The following FGF14 variants were observed in gnomAD, a reference collection of about 807,000 sequenced individuals.
FGF14 encodes the protein fibroblast growth factor 14.
Under a neutral mutation model 25.5 loss-of-function variants are expected in FGF14, and 5 were observed. The ratio of observed to expected loss-of-function variants is 0.20; its 90% CI spans 0.10 to 0.41. The LOEUF (loss-of-function observed/expected upper bound fraction) is 0.41. Among genes scored for constraint, FGF14 ranks in the 10% least tolerant of loss-of-function variants. The probability of loss-of-function intolerance (pLI) is 1.00; values close to 1 mark genes in which losing one functional copy is unlikely to be tolerated. For synonymous variants in FGF14, 138 were observed against 118.3 expected, an observed-to-expected ratio of 1.17 and a Z score of -1.08; for missense variants, 222 against 320.1, an observed-to-expected ratio of 0.69 and a Z score of 2.34.
rs115724357 is a variant in FGF14, at chr13:102,283,127, C to G, written c.208+118344G>C. 5.0e-3 allele frequency among the ~76,000 whole-genome samples: 765 copies of G among 152,252 alleles called. 3 individuals are homozygous for G. Among genetic ancestry groups the G allele is most frequent in the African/African-American group, 0.018 (728 of 41,534 alleles). ...CCATGACTGCCCCAGCTCCTGCCATCACGCTCATGTTCCACTCAATGGAGA... is the reference window on the plus strand; with the variant it reads ...CCATGACTGCCCCAGCTCCTGCCATGACGCTCATGTTCCACTCAATGGAGA... On this transcript the variant is annotated intron_variant, in intron 1 of 4. Transcript: ENST00000376131.
At chr13:102,100,472 G>A (rs1053174338) in intron 1 of FGF14, among the ~76,000 whole-genome samples, 3 of 152,176 alleles carry the variant, frequency 2.0e-5, no homozygotes, top group African/African-American at 4.8e-5. Context: ...AGGTGCTTCC[G>A]GACCGCTTGT....
intron 1 of FGF14, among the ~76,000 whole-genome samples, chr13:102,196,424 A>T (rs623245): frequency 0.69 from 104,328 of 152,080 alleles, 36,869 homozygotes; most frequent in African/African-American, 0.85. Flanking sequence ...AAGAAAAAAA[A>T]ATCCTTCCTG....
intron 1 of FGF14, among the ~76,000 whole-genome samples, chr13:102,016,477 A>G (rs2139833821): frequency 6.6e-6 from 1 of 152,292 alleles, no homozygotes; most frequent in South Asian, 2.1e-4. Flanking sequence ...TTGTTGAACC[A>G]GAATTAATAC....
chr13:102,238,603 G>A lies in FGF14; in HGVS notation c.208+162868C>T, dbSNP rs750895347. ...ACATATTTATAAGTTGTCAATGAGT[G>A]AGAGCATTATATTTTCACGAGAAGT... is the stretch of plus-strand genomic sequence containing the variant. On this transcript the variant is annotated intron_variant, in intron 1 of 4. Transcript: ENST00000376131. 3.0e-4 allele frequency among the ~76,000 whole-genome samples: 45 copies of A among 152,212 alleles called. 1 individual carries two copies. Among genetic ancestry groups the A allele is most frequent in the Non-Finnish European group, 6.0e-4 (41 of 68,028 alleles).
intron 1 of FGF14, among the ~76,000 whole-genome samples, chr13:101,989,440 T>C (rs536571766): frequency 6.0e-4 from 91 of 152,252 alleles, no homozygotes; most frequent in African/African-American, 2.1e-3. Context: ...TTTTGTTTCC[T>C]ACATTATAAC....
chr13:102,056,938 AAT>A (rs1307922639), intron 1 of FGF14, among the ~76,000 whole-genome samples: 1 of 151,444 alleles, frequency 6.6e-6, no homozygotes, highest in Non-Finnish European at 1.5e-5. Context: ...TTATATAAAT[AAT>A]TTGTTTTTCA....
intron 1 of FGF14, among the ~76,000 whole-genome samples, chr13:102,086,131 G>A (rs1005278298): frequency 6.6e-6 from 1 of 152,154 alleles, no homozygotes; most frequent in African/African-American, 2.4e-5. Context: ...TTGATTAAAA[G>A]CTAAAAACAA....
At chr13:102,373,865 G>A (rs1038951487) in intron 1 of FGF14, among the ~76,000 whole-genome samples, 16 of 151,912 alleles carry the variant, frequency 1.1e-4, no homozygotes, top group Non-Finnish European at 2.1e-4. Flanking sequence ...ATCACCTATG[G>A]GGTTCTAAAA....
intron 1 of FGF14, among the ~76,000 whole-genome samples, chr13:101,902,422 T>G (rs1228373097): frequency 1.3e-5 from 2 of 152,192 alleles, no homozygotes; most frequent in Non-Finnish European, 2.9e-5. Context: ...ACCCAATATT[T>G]GTGTGTGTTA....
chr13:102,177,364 T>C (rs1399698972), intron 1 of FGF14, among the ~76,000 whole-genome samples: 1 of 152,194 alleles, frequency 6.6e-6, no homozygotes. Flanking sequence ...TGACTTCAGA[T>C]GTTTTCAGCC....
intron 1 of FGF14, among the ~76,000 whole-genome samples, chr13:101,875,967 G>A (rs1479785627): frequency 6.6e-6 from 1 of 152,090 alleles, no homozygotes; most frequent in Non-Finnish European, 1.5e-5. Context: ...GGTCAGCTCT[G>A]AGGCAATCAA....
intron 1 of FGF14, among the ~76,000 whole-genome samples, chr13:101,940,027 C>T (rs1442064191): frequency 2.0e-5 from 3 of 152,210 alleles, no homozygotes; most frequent in Non-Finnish European, 2.9e-5. Context: ...GAATCCTTTG[C>T]TTCTCTTTTC....
chr13:101,850,783 T>A (rs2043807674), intron 3 of FGF14, among the ~76,000 whole-genome samples: 1 of 150,352 alleles, frequency 6.7e-6, no homozygotes, highest in South Asian at 2.1e-4. Flanking sequence ...CCCAATAGAT[T>A]TTTGCTCAAT....
intron 1 of FGF14, among the ~76,000 whole-genome samples, chr13:102,136,834 T>C (rs1039440010): frequency 4.6e-5 from 7 of 152,218 alleles, no homozygotes; most frequent in African/African-American, 1.4e-4. Flanking sequence ...ATGTATTTGA[T>C]GTATGCCAGA....
intron 3 of FGF14, among the ~76,000 whole-genome samples, chr13:101,744,706 C>T (rs2036773251): frequency 6.6e-6 from 1 of 151,990 alleles, no homozygotes; most frequent in African/African-American, 2.4e-5. Flanking sequence ...CCATTGTATA[C>T]TTGTAAGATC....
intron 1 of FGF14, among the ~76,000 whole-genome samples, chr13:101,912,588 T>C (rs1393954659): frequency 6.6e-6 from 1 of 152,198 alleles, no homozygotes; most frequent in Non-Finnish European, 1.5e-5. Context: ...TAAATTCCCC[T>C]TTCTTTGGCT....
chr13:102,012,156 G>A (rs1185616629), intron 1 of FGF14, among the ~76,000 whole-genome samples: 3 of 152,002 alleles, frequency 2.0e-5, no homozygotes, highest in East Asian at 1.9e-4. Flanking sequence ...TCAATTTGCC[G>A]ATCCAGTGAC....
intron 3 of FGF14, among the ~76,000 whole-genome samples, chr13:101,787,156 C>T (rs2140063560): frequency 8.0e-6 from 1 of 125,478 alleles, no homozygotes; most frequent in South Asian, 3.2e-4. Context: ...GAAAATGTGA[C>T]ATCATCCATG....
rs576002853 is a variant in FGF14, at chr13:102,224,038, T to C, written c.208+177433A>G. ...GAAATGGCATTATTTTTCTATCATT[T>C]GGCTTCTCTTTTCATACATAAACAC... On this transcript the variant is annotated intron_variant, in intron 1 of 4. Coordinates refer to the FGF14 transcript ENST00000376131. 2.6e-5 allele frequency among the ~76,000 whole-genome samples: 4 copies of C among 152,322 alleles called. No homozygotes were observed. In the East Asian group the frequency reaches 7.7e-4, roughly 29 times the overall value.
Sources: gnomAD v4.1 joint callset for allele counts (sites outside exome capture counted in the v4.1 genomes callset) on GRCh38, gnomAD v4.1.1 for gene constraint, MANE v1.5 for transcripts, NCBI Gene and HGNC (gene_info 2026-07-23, HGNC 2026-07-21) for gene names.